Variants in ENOX1 observed in about 807,000 individuals in gnomAD.
ENOX1 encodes candidate growth-related and time keeping constitutive hydroquinone (NADH) oxidase.
ENOX1 carries 42 observed loss-of-function variants against 82.5 expected under a neutral mutation model. That is an observed-to-expected ratio of 0.51 (90% CI 0.40 to 0.66). ENOX1 has a LOEUF of 0.66. Among genes scored for constraint, ENOX1 ranks in the 30% least tolerant of loss-of-function variants. The pLI is 0.00. For synonymous variants in ENOX1, 271 were observed against 282.2 expected, an observed-to-expected ratio of 0.96 and a Z score of 0.40; for missense variants, 608 against 811.6, an observed-to-expected ratio of 0.75 and a Z score of 3.05.
intron 3 of ENOX1, among the ~76,000 whole-genome samples, chr13:43,482,509 A>G (rs2058544702): frequency 6.6e-6 from 1 of 152,206 alleles, no homozygotes; most frequent in African/African-American, 2.4e-5. Context: ...CAACAGGTAT[A>G]GCACTTTAGT....
At chr13:43,674,666 G>C (rs2085424185) in intron 1 of ENOX1, among the ~76,000 whole-genome samples, 1 of 152,112 alleles carries the variant, frequency 6.6e-6, no homozygotes, top group Non-Finnish European at 1.5e-5. Context: ...GTGGATACAT[G>C]TCATTATACG....
chr13:43,786,000 C>G (rs867217673), intron 1 of ENOX1, among the ~76,000 whole-genome samples: 3 of 152,212 alleles, frequency 2.0e-5, no homozygotes, highest in Non-Finnish European at 2.9e-5. Flanking sequence ...GCCCCAGTGC[C>G]TCCTTTACCT....
intron 3 of ENOX1, among the ~76,000 whole-genome samples, chr13:43,445,582 G>A (rs1187904055): frequency 6.6e-6 from 1 of 152,050 alleles, no homozygotes; most frequent in Non-Finnish European, 1.5e-5. Flanking sequence ...GCGATTGAAG[G>A]GCATGGATCC....
chr13:43,238,406 CT>C (rs1410807838), intron 14 of ENOX1, among the ~76,000 whole-genome samples: 1 of 152,194 alleles, frequency 6.6e-6, no homozygotes, highest in African/African-American at 2.4e-5. Flanking sequence ...ACATTTGGTA[CT>C]TTCCGATTAG....
intron 2 of ENOX1, among the ~76,000 whole-genome samples, chr13:43,534,218 G>T (rs2078354400): frequency 6.6e-6 from 1 of 152,044 alleles, no homozygotes; most frequent in African/African-American, 2.4e-5. Context: ...AACCCACTTG[G>T]GTCCTTAACC....
At chr13:43,244,202 T>C (rs1261117039) in intron 14 of ENOX1, among the ~76,000 whole-genome samples, 5 of 151,326 alleles carry the variant, frequency 3.3e-5, no homozygotes, top group Non-Finnish European at 7.4e-5. Flanking sequence ...ACATGGATAA[T>C]ACCATGTGCC....
At chr13:43,439,522 G>A (rs1002524968) in intron 3 of ENOX1, among the ~76,000 whole-genome samples, 1 of 152,062 alleles carries the variant, frequency 6.6e-6, no homozygotes, top group African/African-American at 2.4e-5. Context: ...AATCTTAAGG[G>A]TCCACAAATG....
chr13:43,753,752 T>C (rs1317653965), intron 1 of ENOX1, among the ~76,000 whole-genome samples: 1 of 152,230 alleles, frequency 6.6e-6, no homozygotes, highest in East Asian at 1.9e-4. Context: ...TTCAAATATG[T>C]AGTATCTATG....
chr13:43,455,811 C>T (rs999910742), intron 3 of ENOX1, among the ~76,000 whole-genome samples: 5 of 152,082 alleles, frequency 3.3e-5, no homozygotes, highest in Non-Finnish European at 7.3e-5. Flanking sequence ...TAAGGGGAAA[C>T]CCCGTTTGCT....
intron 5 of ENOX1, among the ~76,000 whole-genome samples, chr13:43,401,050 C>T (rs1169822578): frequency 1.3e-5 from 2 of 149,890 alleles, no homozygotes; most frequent in Non-Finnish European, 2.9e-5. Context: ...TAATATTTAG[C>T]TAGCAGAGGA....
At chr13:43,626,151 AT>A (rs1269074109) in intron 2 of ENOX1, among the ~76,000 whole-genome samples, 1 of 151,750 alleles carries the variant, frequency 6.6e-6, no homozygotes, top group Non-Finnish European at 1.5e-5. Flanking sequence ...TATTATCTTA[AT>A]TTCCTTTTGA....
chr13:43,384,904 G>T (rs915661827), intron 5 of ENOX1, among the ~76,000 whole-genome samples: 1 of 152,108 alleles, frequency 6.6e-6, no homozygotes, highest in Admixed American at 6.5e-5. Context: ...TTGTTTCCTG[G>T]TTTTTTCCTT....
intron 12 of ENOX1, among the ~76,000 whole-genome samples, chr13:43,281,319 A>G (rs1318580097): frequency 6.6e-6 from 1 of 152,194 alleles, no homozygotes; most frequent in Non-Finnish European, 1.5e-5. Flanking sequence ...ATACAGCACC[A>G]CCATCTTGCA....
chr13:43,736,465 T>C (rs1017130376), intron 1 of ENOX1, among the ~76,000 whole-genome samples: 1 of 151,706 alleles, frequency 6.6e-6, no homozygotes, highest in Non-Finnish European at 1.5e-5. Flanking sequence ...GGCAAGCAAG[T>C]GTTCCATTCC....
At chr13:43,381,418 T>C (rs971036933) in intron 5 of ENOX1, among the ~76,000 whole-genome samples, 1 of 151,056 alleles carries the variant, frequency 6.6e-6, no homozygotes, top group Non-Finnish European at 1.5e-5. Flanking sequence ...CACTAAATGC[T>C]TATATTAGAA....
At chr13:43,698,812 C>T (rs1230058144) in intron 1 of ENOX1, among the ~76,000 whole-genome samples, 5 of 152,178 alleles carry the variant, frequency 3.3e-5, no homozygotes, top group Admixed American at 6.5e-5. Context: ...AACGATCTTA[C>T]TCTAGAAAGA....
At chr13:43,311,672 A>G (rs2047210188) in intron 11 of ENOX1, among the ~76,000 whole-genome samples, 1 of 152,234 alleles carries the variant, frequency 6.6e-6, no homozygotes, top group South Asian at 2.1e-4. Flanking sequence ...AGAGGAGAGA[A>G]GCAACCCTTT....
At chr13:43,295,191 T>C (rs896374783) in intron 12 of ENOX1, among the ~76,000 whole-genome samples, 3 of 152,238 alleles carry the variant, frequency 2.0e-5, no homozygotes, top group Non-Finnish European at 4.4e-5. Flanking sequence ...TAGTCTTTAC[T>C]TGTACACCTA....
intron 1 of ENOX1, among the ~76,000 whole-genome samples, chr13:43,686,661 T>A (rs2086093378): frequency 6.6e-6 from 1 of 152,206 alleles, no homozygotes; most frequent in Non-Finnish European, 1.5e-5. Flanking sequence ...CTCATTCAAA[T>A]GCAATTTTCC....
Sources: gnomAD v4.1 joint callset for allele counts (sites outside exome capture counted in the v4.1 genomes callset) on GRCh38, gnomAD v4.1.1 for gene constraint, MANE v1.5 for transcripts, NCBI Gene and HGNC (gene_info 2026-07-23, HGNC 2026-07-21) for gene names.